The following HELQ variants were observed in gnomAD, a reference collection of about 807,000 sequenced individuals.
HELQ encodes helicase POLQ-like.
In HELQ, 77 loss-of-function variants were observed where a neutral mutation model predicts 111.6. That is an observed-to-expected ratio of 0.69 (90% CI 0.57 to 0.83). The LOEUF is 0.83. Ranked by LOEUF, HELQ falls within the 40% of genes least tolerant of loss-of-function variation. HELQ has a pLI of 0.00. For missense variants in HELQ, 1,200 were observed against 1,288.5 expected (o/e 0.93, Z 1.05); for synonymous variants, 438 against 454.7 (o/e 0.96, Z 0.47).
chr4:83,455,738 A>G lies in HELQ; in HGVS notation c.-45T>C. On this transcript the variant is annotated 5_prime_UTR_variant, in exon 1 of 18. Transcript: ENST00000295488. ...ATTCAGACGTCGTTCTCAGTGACCC[A>G]GACGCTAAGCCCATATGGAAGGGAG... 1 of 1,562,402 alleles carries G rather than the reference A, an allele frequency of 6.4e-7. No individual in the cohort carries two copies.
At chr4:83,433,593 G>C (rs535325420) in intron 9 of HELQ, among the ~76,000 whole-genome samples, 1 of 150,966 alleles carries the variant, frequency 6.6e-6, no homozygotes, top group East Asian at 2.0e-4. Flanking sequence ...GTGAACCCAG[G>C]AGGCGGAGCT....
In HELQ at chr4:83,453,585, C is replaced by T. The variant is rs376983769; in HGVS notation, c.658G>A (p.Glu220Lys). The change falls in exon 2 of 18, where the codon GAA (glutamate) becomes AAA (lysine). Residue 220 changes from glutamate to lysine, a missense_variant. Physicochemically the swap from Glu to Lys is moderately conservative, Grantham distance 56 (BLOSUM62 1). This residue lies in a region of HELQ where 610 missense variants were observed against 607.1 expected (regional missense o/e 1.00). Transcript: ENST00000295488. ...TGAGAGGATGACTTCCAATCCCTTT[C>T]TTTCATAGAATGATCACCCAAATCA... ...SNDLGDHSMK[E>K]RDWKSSSHNT... is the part of the protein sequence containing the mutation. 1.6e-5 allele frequency: 26 copies of T among 1,612,744 alleles called. No homozygotes were observed. In the African/African-American group the frequency reaches 3.3e-4, roughly 21 times the overall value.
intron 9 of HELQ, among the ~76,000 whole-genome samples, chr4:83,435,155 T>C (rs752826816): frequency 6.6e-6 from 1 of 152,156 alleles, no homozygotes; most frequent in Non-Finnish European, 1.5e-5. Context: ...AGTGCCTCAG[T>C]TTCCCCTTCT....
chr4:83,420,921 G>C (rs1739647218), intron 15 of HELQ, among the ~76,000 whole-genome samples: 1 of 151,554 alleles, frequency 6.6e-6, no homozygotes, highest in Non-Finnish European at 1.5e-5. Context: ...CTGGGCGTCA[G>C]AGTGAGACCC....
chr4:83,452,774 CTG>C (rs1205834962), intron 2 of HELQ, among the ~76,000 whole-genome samples: 2 of 152,172 alleles, frequency 1.3e-5, no homozygotes, highest in African/African-American at 4.8e-5. Context: ...AAAAGTAACA[CTG>C]TGTTTAGACG....
intron 14 of HELQ, among the ~76,000 whole-genome samples, chr4:83,423,395 C>T (rs781698685): frequency 1.3e-5 from 2 of 152,126 alleles, no homozygotes; most frequent in Non-Finnish European, 2.9e-5. Flanking sequence ...ACATATTCTG[C>T]ATGTTGATAC....
chr4:83,453,989 T>A, intron 1 of HELQ, 44 bp from the exon 2 acceptor site: 1 of 1,209,676 alleles, frequency 8.3e-7, no homozygotes, highest in Non-Finnish European at 1.2e-6. Flanking sequence ...CCAGTTTCAT[T>A]AAGAATAAAA....
At chr4:83,441,260 G>T in intron 7 of HELQ, 45 bp downstream of exon 7, 1 of 1,082,584 alleles carries the variant, frequency 9.2e-7, no homozygotes, top group Non-Finnish European at 1.4e-6. Context: ...TTGTGCCCCA[G>T]ACACAAAGTC....
Position 83,431,730 on chromosome 4 carries a change from G to GT in HELQ, c.2228dup (p.Tyr743Ter), listed in dbSNP as rs1216298256. The change falls in exon 11 of 18, where the codon TAC (tyrosine) becomes TAAC (stop). Residue 743 changes from tyrosine (Y) to a stop codon, truncating the protein, a stop_gained and frameshift_variant. Coordinates refer to ENST00000295488, the MANE Select transcript of HELQ (RefSeq NM_133636.5). LOFTEE classifies it high-confidence loss of function. ...ELITKPLENC[Y>*]SHLVQEFTKG... The stretch of plus-strand genomic sequence containing the variant: ...TGGTGAATTCCTGAACAAGATGGCT[G>GT]TAACAGTTTTCCAATGGTTTAGTTA... 1 of 1,541,668 alleles carries GT rather than the reference G, an allele frequency of 6.5e-7. No individual in the cohort carries two copies. Among genetic ancestry groups the GT allele is most frequent in the South Asian group, 1.2e-5 (1 of 80,260 alleles).
intron 2 of HELQ, among the ~76,000 whole-genome samples, chr4:83,451,538 C>T (rs933284386): frequency 2.6e-5 from 4 of 151,898 alleles, no homozygotes; most frequent in African/African-American, 4.8e-5. Context: ...TGGTGGCGGG[C>T]GCCTGTAGTC....
At chr4:83,422,620 GCTTT>G (rs1246029676) in intron 14 of HELQ, among the ~76,000 whole-genome samples, 1 of 152,192 alleles carries the variant, frequency 6.6e-6, no homozygotes. Context: ...GGCACGGATG[GCTTT>G]TTCCTCAGAG....
At chr4:83,451,983 A>G (rs1465196144) in intron 2 of HELQ, among the ~76,000 whole-genome samples, 1 of 152,244 alleles carries the variant, frequency 6.6e-6, no homozygotes, top group Non-Finnish European at 1.5e-5. Context: ...CAGGAGTTCC[A>G]GAAAACTTAC....
rs1273391651 is a variant in HELQ, at chr4:83,418,212, G to A, written c.2950-6C>T. 1.4e-6 allele frequency: 2 copies of A among 1,464,224 alleles called. 1 individual carries two copies. The highest frequency in any genetic ancestry group is 4.6e-5 in the East Asian group (2 of 43,566). 90.7% of individuals were successfully genotyped at this position (1,464,224 alleles called of 1,614,324 possible). A position where few individuals can be genotyped will look rare whatever the true frequency, so the allele number is the denominator to read the frequency against. On this transcript the variant is annotated splice_polypyrimidine_tract_variant and splice_region_variant and intron_variant, in intron 15 of 17. Transcript: ENST00000295488. The stretch of plus-strand genomic sequence containing the variant: ...ACCCAAAACTCCTCAAGCTCCTGTA[G>A]AACACAAAGAAATATATAAAATTTA...
intron 16 of HELQ, 83 bp downstream of exon 16, chr4:83,418,010 T>A: frequency 1.4e-6 from 1 of 695,462 alleles, no homozygotes; most frequent in Non-Finnish European, 2.4e-6. Context: ...ACTTCCTCTG[T>A]ATTAAGACTT....
At chr4:83,427,806 A>G (rs1719924842) in intron 12 of HELQ, 86 bp from the exon 13 acceptor site, 5 of 919,258 alleles carry the variant, frequency 5.4e-6, no homozygotes, top group Non-Finnish European at 7.7e-6. Flanking sequence ...AAATTGCTTA[A>G]ATATAGCAAA....
At chr4:83,418,609 T>A in intron 15 of HELQ, among the ~76,000 whole-genome samples, 1 of 152,176 alleles carries the variant, frequency 6.6e-6, no homozygotes, top group East Asian at 1.9e-4. Flanking sequence ...AACAATACAA[T>A]AATAAAAATA....
In HELQ at chr4:83,427,636, T is replaced by C. The variant is rs748557614; in HGVS notation, c.2603A>G (p.His868Arg). Reference protein sequence around the residue: ...LEGLVLESLLHLIYLTTPYDL... With the variant: ...LEGLVLESLLRLIYLTTPYDL... ...ATAGGGGGTTGTTAGGTAGATTAGA[T>C]GAAGAAGGCTTTCAAGCACAAGTCC... is the stretch of plus-strand genomic sequence containing the variant. Residue 868 changes from histidine (H) to arginine (R), a missense_variant, in exon 13 of 18, where the codon CAT becomes CGT. Physicochemically the swap from His to Arg is conservative, Grantham distance 29 (BLOSUM62 0). This residue lies in a region of HELQ where 585 missense variants were observed against 665.3 expected (regional missense o/e 0.88). Transcript: ENST00000295488. 1 of 1,607,832 alleles carries C rather than the reference T, an allele frequency of 6.2e-7. No homozygotes were observed. The highest frequency in any genetic ancestry group is 1.1e-5 in the South Asian group (1 of 90,022).
At chr4:83,416,614 T>C in intron 17 of HELQ, 117 bp downstream of exon 17, 3 of 1,026,892 alleles carry the variant, frequency 2.9e-6, no homozygotes, top group Non-Finnish European at 2.8e-6. Context: ...TATGTACTTT[T>C]GTATCTATAG....
At chr4:83,413,974 C>G (rs1054110044) in intron 17 of HELQ, among the ~76,000 whole-genome samples, 8 of 152,154 alleles carry the variant, frequency 5.3e-5, no homozygotes, top group African/African-American at 1.9e-4. Flanking sequence ...CCAGCTGCAC[C>G]CCTCCAGAAT....
Sources: allele counts gnomAD v4.1 joint callset (sites outside exome capture counted in the v4.1 genomes callset), GRCh38; gene constraint gnomAD v4.1.1; regional missense constraint gnomAD v4.1.1; transcripts MANE v1.5; gene names NCBI Gene and HGNC (gene_info 2026-07-23, HGNC 2026-07-21).